Variants in DAB1 observed in about 807,000 individuals in gnomAD.
DAB1 encodes the protein disabled homolog 1.
In DAB1, 15 loss-of-function variants were observed where a neutral mutation model predicts 64.6. The observed-to-expected ratio is 0.23, with a 90% CI of 0.16 to 0.36. The LOEUF is 0.36. DAB1 is among the 10% of genes least tolerant of loss of function. The probability of loss-of-function intolerance (pLI) is 1.00; values close to 1 mark genes in which losing one functional copy is unlikely to be tolerated. For synonymous variants in DAB1, 235 were observed against 251.9 expected, an observed-to-expected ratio of 0.93 and a Z score of 0.64; for missense variants, 596 against 706.7, an observed-to-expected ratio of 0.84 and a Z score of 1.78.
chr1:57,433,471 C>A (rs1329579518), intron 7 of DAB1, among the ~76,000 whole-genome samples: 8 of 151,850 alleles, frequency 5.3e-5, no homozygotes, highest in African/African-American at 1.9e-4. Flanking sequence ...GAAACAACTG[C>A]ATAAACATAT....
intron 7 of DAB1, among the ~76,000 whole-genome samples, chr1:57,457,407 G>A (rs956410470): frequency 2.6e-5 from 4 of 152,130 alleles, no homozygotes; most frequent in Non-Finnish European, 5.9e-5. Context: ...TCTGTTAAAG[G>A]ATGATTACAT....
At chr1:57,846,558 T>C (rs1384460708) in intron 1 of DAB1, among the ~76,000 whole-genome samples, 1 of 152,206 alleles carries the variant, frequency 6.6e-6, no homozygotes, top group African/African-American at 2.4e-5. Flanking sequence ...TACTCTGTGC[T>C]GTTTACTCTG....
chr1:58,000,651 A>G (rs113901921), intron 5 of DAB1, among the ~76,000 whole-genome samples: 3,153 of 147,684 alleles, frequency 0.021, 47 homozygotes, highest in South Asian at 0.044. Context: ...GCTCACTGCA[A>G]TCTCCACCTC....
intron 2 of DAB1, among the ~76,000 whole-genome samples, chr1:58,511,450 C>G (rs758541762): frequency 2.6e-5 from 4 of 152,006 alleles, no homozygotes; most frequent in Non-Finnish European, 4.4e-5. Context: ...GAGTCCAAGA[C>G]CAACCTGGGC....
At chr1:57,239,902 C>T (rs534443599) in intron 2 of DAB1, among the ~76,000 whole-genome samples, 5 of 152,288 alleles carry the variant, frequency 3.3e-5, no homozygotes, top group East Asian at 3.9e-4. Context: ...GCCTCTGATG[C>T]GAACCAGTCC....
chr1:58,154,398 T>C (rs1205043101), intron 4 of DAB1, among the ~76,000 whole-genome samples: 1 of 152,034 alleles, frequency 6.6e-6, no homozygotes, highest in East Asian at 1.9e-4. Context: ...AGCAGAAAAA[T>C]GCACCACCAG....
At chr1:57,756,586 C>T (rs1439599698) in intron 6 of DAB1, among the ~76,000 whole-genome samples, 1 of 151,816 alleles carries the variant, frequency 6.6e-6, no homozygotes, top group East Asian at 1.9e-4. Context: ...TTGGAAAGAT[C>T]ATTAAGGTCA....
chr1:58,241,267 G>A (rs1660282131), intron 4 of DAB1, among the ~76,000 whole-genome samples: 1 of 151,910 alleles, frequency 6.6e-6, no homozygotes, highest in Admixed American at 6.5e-5. Context: ...TTTAGTCCAT[G>A]TGATGCCATA....
intron 4 of DAB1, among the ~76,000 whole-genome samples, chr1:58,289,650 G>A (rs1661768940): frequency 6.6e-6 from 1 of 152,202 alleles, no homozygotes. Context: ...CTTCTTCCCA[G>A]TGAATATTAA....
At chr1:57,925,367 C>T (rs896525452) in intron 5 of DAB1, among the ~76,000 whole-genome samples, 3 of 152,206 alleles carry the variant, frequency 2.0e-5, no homozygotes, top group Non-Finnish European at 4.4e-5. Flanking sequence ...TAACAACCAG[C>T]GTTTCCAGCA....
chr1:57,040,577 G>A (rs1647630494), intron 9 of DAB1, among the ~76,000 whole-genome samples: 1 of 152,168 alleles, frequency 6.6e-6, no homozygotes, highest in South Asian at 2.1e-4. Flanking sequence ...GAAGGATCAG[G>A]CTGCAAGATG....
chr1:57,227,519 TTG>T (rs57671970), intron 2 of DAB1, among the ~76,000 whole-genome samples: 8,067 of 135,668 alleles, frequency 0.059, 257 homozygotes, highest in African/African-American at 0.092. Flanking sequence ...TTTTTTTCTT[TTG>T]TGTGTGTGTG....
intron 3 of DAB1, among the ~76,000 whole-genome samples, chr1:57,137,541 G>T (rs956667924): frequency 1.3e-5 from 2 of 151,992 alleles, no homozygotes; most frequent in Non-Finnish European, 2.9e-5. Context: ...TCCATACTAG[G>T]GTACAACTCG....
chr1:58,111,530 C>A (rs1651964124), intron 5 of DAB1, among the ~76,000 whole-genome samples: 1 of 152,142 alleles, frequency 6.6e-6, no homozygotes, highest in South Asian at 2.1e-4. Context: ...GATATTTTTT[C>A]CAAGAGCAAC....
intron 4 of DAB1, among the ~76,000 whole-genome samples, chr1:57,102,020 C>T (rs1654724503): frequency 6.6e-6 from 1 of 152,186 alleles, no homozygotes; most frequent in Non-Finnish European, 1.5e-5. Flanking sequence ...CCCTATGCCA[C>T]ATCACCTACT....
At chr1:57,346,162 A>G (rs987060789) in intron 1 of DAB1, among the ~76,000 whole-genome samples, 2 of 152,136 alleles carry the variant, frequency 1.3e-5, no homozygotes, top group African/African-American at 4.8e-5. Flanking sequence ...TGAGCAATGA[A>G]TCTCAGCTTC....
At chr1:58,103,719 G>T (rs897687872) in intron 5 of DAB1, among the ~76,000 whole-genome samples, 1 of 152,070 alleles carries the variant, frequency 6.6e-6, no homozygotes, top group African/African-American at 2.4e-5. Flanking sequence ...ATCCCCTTAA[G>T]TTTTGCCCTG....
intron 1 of DAB1, among the ~76,000 whole-genome samples, chr1:57,421,104 A>T (rs942510867): frequency 6.6e-6 from 1 of 152,310 alleles, no homozygotes; most frequent in African/African-American, 2.4e-5. Context: ...TTAGATGGGT[A>T]CTATCAGGTA....
intron 4 of DAB1, among the ~76,000 whole-genome samples, chr1:58,166,236 T>A (rs1330049018): frequency 6.6e-6 from 1 of 152,218 alleles, no homozygotes; most frequent in African/African-American, 2.4e-5. Context: ...TAAATTTACA[T>A]AACCGTGCAA....
Sources: gnomAD v4.1 joint callset for allele counts (sites outside exome capture counted in the v4.1 genomes callset) on GRCh38, gnomAD v4.1.1 for gene constraint, MANE v1.5 for transcripts, NCBI Gene and HGNC (gene_info 2026-07-23, HGNC 2026-07-21) for gene names.